LAMA1: variants seen among roughly 807,000 people sequenced by gnomAD.
LAMA1 encodes laminin subunit alpha-1.
Under a neutral mutation model 348.7 loss-of-function variants are expected in LAMA1, and 219 were observed. The ratio of observed to expected loss-of-function variants is 0.63; its 90% CI spans 0.56 to 0.70. The LOEUF (loss-of-function observed/expected upper bound fraction) is 0.70. LAMA1 is among the 30% of genes least tolerant of loss of function. The probability of loss-of-function intolerance (pLI) is 0.00; values close to 1 mark genes in which losing one functional copy is unlikely to be tolerated. For missense variants in LAMA1, 3,744 were observed against 3,888.0 expected (o/e 0.96, Z 0.99); for synonymous variants, 1,487 against 1,491.0 (o/e 1.00, Z 0.06).
chr18:7,029,326 T>C (rs1220274917), intron 16 of LAMA1, among the ~76,000 whole-genome samples: 2 of 152,198 alleles, frequency 1.3e-5, no homozygotes, highest in Admixed American at 1.3e-4. Context: ...CCATCCTTCA[T>C]AGGACCTTGG....
At chr18:7,070,879 CTG>C (rs1009313128) in intron 3 of LAMA1, among the ~76,000 whole-genome samples, 4 of 144,942 alleles carry the variant, frequency 2.8e-5, no homozygotes, top group African/African-American at 1.0e-4. Context: ...TAGGAGATAA[CTG>C]ATTTATTTTC....
chr18:6,998,249 G>A (rs897916751), intron 32 of LAMA1, among the ~76,000 whole-genome samples: 6 of 152,198 alleles, frequency 3.9e-5, no homozygotes, highest in South Asian at 2.1e-4. Flanking sequence ...ATGAAAAACA[G>A]CAGGGGGAAG....
At chr18:7,106,400 G>C (rs551153617) in intron 1 of LAMA1, among the ~76,000 whole-genome samples, 1 of 148,384 alleles carries the variant, frequency 6.7e-6, no homozygotes, top group East Asian at 2.0e-4. Flanking sequence ...TCACTCTGTC[G>C]CCAGGCTGGA....
chr18:6,975,954 G>A lies in LAMA1; in HGVS notation c.6472C>T (p.Leu2158Phe). ...TAACTTACAGCGGTGCTGCTACCGA[G>A]GTAGAAGAGAAGATTATCGGGTTCC... ...TQEPDNLLFY[L>F]GSSTASDFLA... is the part of the protein sequence containing the mutation. The change falls in exon 45 of 63, where the codon CTC becomes TTC. Residue 2158 changes from leucine (L) to phenylalanine (F), a missense_variant. Around this residue, in one of 3 missense-constraint regions of LAMA1, gnomAD observed 1,983 missense variants for 1,934.3 expected, o/e 1.03. Transcript: ENST00000389658. 1 of 1,614,132 alleles carries A rather than the reference G, an allele frequency of 6.2e-7. No homozygotes were observed. The highest frequency in any genetic ancestry group is 8.5e-7 in the Non-Finnish European group (1 of 1,180,026).
chr18:7,024,733 C>T (rs2057934779), intron 17 of LAMA1, among the ~76,000 whole-genome samples: 1 of 152,204 alleles, frequency 6.6e-6, no homozygotes, highest in African/African-American at 2.4e-5. Flanking sequence ...GCGCCTGCTT[C>T]TCTCGCTGTC....
intron 1 of LAMA1, among the ~76,000 whole-genome samples, chr18:7,098,533 C>G (rs1310736367): frequency 1.3e-5 from 2 of 150,110 alleles, no homozygotes; most frequent in African/African-American, 4.9e-5. Context: ...CACCTCTGCC[C>G]GGCTGCGACC....
intron 34 of LAMA1, 129 bp downstream of exon 34, chr18:6,995,228 G>T: frequency 1.3e-6 from 1 of 744,564 alleles, no homozygotes; most frequent in Non-Finnish European, 2.5e-6. Flanking sequence ...AGTACCTGGA[G>T]CACAGCTCGT....
At chr18:7,066,508 T>G (rs1346102277) in intron 3 of LAMA1, among the ~76,000 whole-genome samples, 1 of 152,176 alleles carries the variant, frequency 6.6e-6, no homozygotes, top group Non-Finnish European at 1.5e-5. Context: ...TATCTAAAAA[T>G]GTCACCACCG....
chr18:6,988,519 G>A (rs1394620716), intron 36 of LAMA1, among the ~76,000 whole-genome samples: 1 of 152,202 alleles, frequency 6.6e-6, no homozygotes, highest in Non-Finnish European at 1.5e-5. Context: ...CATATCTTTG[G>A]TCGGGCGCAG....
chr18:7,015,003 C>G (rs538246915), intron 22 of LAMA1, among the ~76,000 whole-genome samples: 2 of 151,878 alleles, frequency 1.3e-5, no homozygotes, highest in Admixed American at 6.5e-5. Context: ...CCCATCACCA[C>G]GCCCAGCTAA....
intron 3 of LAMA1, among the ~76,000 whole-genome samples, chr18:7,058,748 C>G (rs1000947176): frequency 6.6e-5 from 10 of 152,218 alleles, no homozygotes; most frequent in Non-Finnish European, 1.0e-4. Flanking sequence ...ACATTAATGT[C>G]TCTTGCTTAA....
At chr18:7,043,523 G>A in intron 7 of LAMA1, 118 bp from the exon 8 acceptor site, 2 of 833,266 alleles carry the variant, frequency 2.4e-6, no homozygotes, top group South Asian at 1.5e-5. Flanking sequence ...CCTAGAATAA[G>A]TAATTTTAAT....
chr18:7,079,776 T>A (rs893465258), intron 3 of LAMA1, 199 bp downstream of exon 3: 2 of 601,334 alleles, frequency 3.3e-6, no homozygotes, highest in Non-Finnish European at 5.9e-6. Context: ...CCCATCTCCC[T>A]GAAGACACCT....
intron 1 of LAMA1, among the ~76,000 whole-genome samples, chr18:7,097,285 A>T (rs182313615): frequency 7.9e-5 from 12 of 152,246 alleles, no homozygotes; most frequent in Admixed American, 6.5e-4. Context: ...AAAATAATAA[A>T]AAAAAAAGAA....
chr18:7,004,867 G>A (rs1311040906), intron 29 of LAMA1, among the ~76,000 whole-genome samples: 1 of 152,210 alleles, frequency 6.6e-6, no homozygotes, highest in African/African-American at 2.4e-5. Context: ...CAAAGAGCAA[G>A]GAAGAAGGGA....
In LAMA1 at chr18:6,961,624, C is replaced by A. The variant is rs1283114494; in HGVS notation, c.7588G>T (p.Asp2530Tyr). Residue 2530 changes from aspartate to tyrosine, a missense_variant, in exon 53 of 63, where the codon GAT becomes TAT. Physicochemically the swap from Asp to Tyr is radical, Grantham distance 160. Transcript: ENST00000389658. The stretch of plus-strand genomic sequence containing the variant: ...TCACGATCACCCCGCTTCTCCACAT[C>A]CCCGCCGAGGGCAGCCAGGATGATG... ...SGIILAALGG[D>Y]VEKRGDREEA... The A allele has an allele frequency of 6.2e-7, 1 of 1,614,066 alleles. No individual in the cohort carries two copies. The highest frequency in any genetic ancestry group is 1.7e-4 in the Middle Eastern group (1 of 5,966).
intron 22 of LAMA1, 131 bp downstream of exon 22, chr18:7,015,588 GTTT>G: frequency 5.3e-5 from 49 of 917,118 alleles, no homozygotes; most frequent in East Asian, 1.1e-4. Context: ...CCCACATTGA[GTTT>G]TTTTTTTTTT....
rs1600340292 is a variant in LAMA1 at position 6,949,143 on chromosome 18, T to A, written c.8514A>T (p.Leu2838=). Residue 2838 remains leucine, a synonymous_variant, in exon 59 of 63, where the codon CTA becomes CTT. Transcript: ENST00000389658. ...TMLDVEGLFY[L]GGLPSQYQAR... ...CCTGGTACTGGGAGGGCAGGCCTCC[T>A]AGGTAGAACAAACCCTCCACATCCA... 5 of 1,614,168 alleles carry A rather than the reference T, an allele frequency of 3.1e-6. No individual in the cohort carries two copies. The highest frequency in any genetic ancestry group is 4.2e-6 in the Non-Finnish European group (5 of 1,180,028).
chr18:7,034,763 T>C (rs770772649), intron 13 of LAMA1, 73 bp from the exon 14 acceptor site: 56 of 1,436,120 alleles, frequency 3.9e-5, no homozygotes, highest in Non-Finnish European at 5.3e-5. Context: ...AATCAAATTT[T>C]GTATTCAGCA....
Sources: allele counts gnomAD v4.1 joint callset (sites outside exome capture counted in the v4.1 genomes callset), GRCh38; gene constraint gnomAD v4.1.1; regional missense constraint gnomAD v4.1.1; transcripts MANE v1.5; gene names NCBI Gene and HGNC (gene_info 2026-07-23, HGNC 2026-07-21).